DDX1: variants seen among roughly 807,000 people sequenced by gnomAD.
The protein encoded by DDX1 is DEAD-box helicase 1.
In DDX1, 28 loss-of-function variants were observed where a neutral mutation model predicts 108.7. The ratio of observed to expected loss-of-function variants is 0.26; its 90% CI spans 0.19 to 0.35. The LOEUF (loss-of-function observed/expected upper bound fraction) is 0.35. Ranked by LOEUF, DDX1 falls within the 10% of genes least tolerant of loss-of-function variation. The pLI is 1.00. For missense variants in DDX1, 710 were observed against 884.5 expected, an observed-to-expected ratio of 0.80 and a Z score of 2.50; for synonymous variants, 295 against 288.9, an observed-to-expected ratio of 1.02 and a Z score of -0.21.
chr2:15,618,725 A>T (rs1362772479), intron 16 of DDX1, among the ~76,000 whole-genome samples: 5 of 152,214 alleles, frequency 3.3e-5, no homozygotes, highest in Non-Finnish European at 7.3e-5. Context: ...TGGTGCCCAG[A>T]CTGTTCATGC....
chr2:15,592,951 CCTT>C lies in DDX1; in HGVS notation c.16+1005_16+1007del, dbSNP rs550738427. ...ATGGGGGGGTGGGGGGATGTAGTCT[CCTT>C]CTGTCGCCCCAGCTGGAGTGCAATG... On this transcript the variant is annotated intron_variant, in intron 1 of 25. Coordinates refer to ENST00000233084, the MANE Select transcript of DDX1 (RefSeq NM_004939.3). Among the ~76,000 whole-genome samples the C allele has an allele frequency of 5.9e-4, 89 of 151,552 alleles. 1 individual carries two copies. The highest frequency in any genetic ancestry group is 2.0e-3 in the African/African-American group (83 of 41,256).
In DDX1 at chr2:15,630,849, G is replaced by A. The variant is rs145077139; in HGVS notation, c.2166G>A (p.Ala722=). 526 of 1,614,048 alleles carry A rather than the reference G, an allele frequency of 3.3e-4. 1 individual carries two copies. Among genetic ancestry groups the A allele is most frequent in the Middle Eastern group, 9.9e-4 (6 of 6,062 alleles). Residue 722 remains alanine, a synonymous_variant, in exon 26 of 26, where the codon GCG becomes GCA. Coordinates refer to ENST00000233084, the MANE Select transcript of DDX1 (RefSeq NM_004939.3). ...VQELAALEKE[A]QTSFLHLGYL... The stretch of plus-strand genomic sequence containing the variant: ...AGTTGGCTGCCCTTGAAAAGGAGGC[G>A]CAGACATCTTTCCTGCATCTTGGCT...
intron 13 of DDX1, among the ~76,000 whole-genome samples, chr2:15,610,625 A>G (rs1665735592): frequency 1.3e-5 from 2 of 152,172 alleles, no homozygotes; most frequent in Non-Finnish European, 2.9e-5. Flanking sequence ...TTTTAAATTG[A>G]TTTTTGTATA....
At chr2:15,612,464 G>A (rs563604682) in intron 13 of DDX1, among the ~76,000 whole-genome samples, 18 of 150,928 alleles carry the variant, frequency 1.2e-4, no homozygotes, top group Admixed American at 3.3e-4. Flanking sequence ...CCGGGAAGAG[G>A]TGCTCCTCAC....
intron 14 of DDX1, among the ~76,000 whole-genome samples, chr2:15,613,758 C>T (rs1665842968): frequency 6.6e-6 from 1 of 151,764 alleles, no homozygotes; most frequent in African/African-American, 2.4e-5. Flanking sequence ...GTCGCAAAGG[C>T]TGTGCTCAGC....
chr2:15,598,294 G>A (rs1270786662), intron 5 of DDX1, among the ~76,000 whole-genome samples: 1 of 152,134 alleles, frequency 6.6e-6, no homozygotes, highest in Admixed American at 6.5e-5. Context: ...ATGTAAATTA[G>A]AGATAGATAA....
At chr2:15,611,513 G>A (rs2148743053) in intron 13 of DDX1, among the ~76,000 whole-genome samples, 1 of 139,652 alleles carries the variant, frequency 7.2e-6, no homozygotes, top group Non-Finnish European at 1.6e-5. Context: ...CGGGCAGGGG[G>A]CTGACCCCCC....
At chr2:15,615,230 C>T (rs13427798) in intron 14 of DDX1, among the ~76,000 whole-genome samples, 1,825 of 152,244 alleles carry the variant, frequency 0.012, 25 homozygotes, top group African/African-American at 0.03. Context: ...TTTAGTCTTA[C>T]GGTATTATGC....
chr2:15,618,126 T>TA (rs1226752368), intron 15 of DDX1, 55 bp from the exon 16 acceptor site: 26 of 1,088,040 alleles, frequency 2.4e-5, no homozygotes, highest in African/African-American at 1.2e-4. Flanking sequence ...GATTAAAACT[T>TA]ACGTTTTTTT....
intron 13 of DDX1, 73 bp downstream of exon 13, chr2:15,607,386 A>G (rs1665681140): frequency 7.3e-7 from 1 of 1,372,786 alleles, no homozygotes; most frequent in Non-Finnish European, 1.0e-6. Context: ...AATAAGGTAG[A>G]GAAAAATGAA....
At chr2:15,618,820 A>G (rs1477737052) in intron 16 of DDX1, among the ~76,000 whole-genome samples, 1 of 152,242 alleles carries the variant, frequency 6.6e-6, no homozygotes, top group Admixed American at 6.5e-5. Flanking sequence ...AAAGGCTGGA[A>G]GGGGCCAAAG....
intron 16 of DDX1, among the ~76,000 whole-genome samples, chr2:15,619,793 A>T (rs571896981): frequency 2.0e-4 from 30 of 152,194 alleles, no homozygotes; most frequent in African/African-American, 7.0e-4. Context: ...TGTATTCCAG[A>T]TTATTAGTAC....
At chr2:15,618,111 A>G (rs1573047722) in intron 15 of DDX1, 70 bp from the exon 16 acceptor site, 1 of 834,448 alleles carries the variant, frequency 1.2e-6, no homozygotes, top group Non-Finnish European at 1.9e-6. Flanking sequence ...AAGATTTTTG[A>G]TACTGATTAA....
intron 6 of DDX1, among the ~76,000 whole-genome samples, chr2:15,601,914 G>A (rs1665594503): frequency 6.6e-6 from 1 of 152,174 alleles, no homozygotes; most frequent in Non-Finnish European, 1.5e-5. Flanking sequence ...GGACATCACT[G>A]AGACTGATCA....
At chr2:15,595,414 C>A in intron 2 of DDX1, 76 bp from the exon 3 acceptor site, 2 of 1,249,808 alleles carry the variant, frequency 1.6e-6, no homozygotes, top group Non-Finnish European at 2.3e-6. Flanking sequence ...TTCTTTTAGG[C>A]AAATTAACGT....
Position 15,599,678 on chromosome 2 carries a change from A to G in DDX1, c.269A>G (p.Lys90Arg). The change falls in exon 6 of 26, where the codon AAA becomes AGA. Residue 90 changes from lysine to arginine, a missense_variant. This residue lies in a region of DDX1 where 661 missense variants were observed against 810.2 expected (regional missense o/e 0.82). Transcript: ENST00000233084. ...TIKTGASVLN[K>R]WQMNPYDRGS... The stretch of plus-strand genomic sequence containing the variant: ...ATTTTAATTTGTTTAGTGCTGAACA[A>G]ATGGCAGATGAACCCATATGACAGA... 6.2e-7 allele frequency: 1 copy of G among 1,606,930 alleles called. No individual in the cohort carries two copies. Among genetic ancestry groups the G allele is most frequent in the Non-Finnish European group, 8.5e-7 (1 of 1,176,412 alleles).
At chr2:15,614,867 C>A (rs538025767) in intron 14 of DDX1, among the ~76,000 whole-genome samples, 1 of 152,310 alleles carries the variant, frequency 6.6e-6, no homozygotes, top group South Asian at 2.1e-4. Context: ...AATCTTGCTT[C>A]CTCAAACCCA....
At chr2:15,623,830 A>G (rs923837733) in intron 19 of DDX1, among the ~76,000 whole-genome samples, 8 of 152,186 alleles carry the variant, frequency 5.3e-5, no homozygotes, top group African/African-American at 1.9e-4. Context: ...TTTATATTAT[A>G]TGGAAGAAGG....
At chr2:15,613,833 A>ATT (rs61546961) in intron 14 of DDX1, among the ~76,000 whole-genome samples, 258 of 133,368 alleles carry the variant, frequency 1.9e-3, no homozygotes, top group East Asian at 4.2e-3. Context: ...AAGTTTAGGA[A>ATT]TTTTTTTTTT....
Sources: allele counts gnomAD v4.1 joint callset (sites outside exome capture counted in the v4.1 genomes callset), GRCh38; gene constraint gnomAD v4.1.1; regional missense constraint gnomAD v4.1.1; transcripts MANE v1.5; gene names NCBI Gene and HGNC (gene_info 2026-07-23, HGNC 2026-07-21).